Variants in MTREX observed in about 807,000 individuals in gnomAD.
MTREX encodes exosome RNA helicase MTR4.
In MTREX, 76 loss-of-function variants were observed where a neutral mutation model predicts 135.4. The observed-to-expected ratio is 0.56, with a 90% CI of 0.47 to 0.68. MTREX has a LOEUF of 0.68. Among genes scored for constraint, MTREX ranks in the 30% least tolerant of loss-of-function variants. The pLI is 0.00. For missense variants in MTREX, 920 were observed against 1,262.1 expected (o/e 0.73, Z 4.11); for synonymous variants, 404 against 401.6 (o/e 1.01, Z -0.07).
intron 13 of MTREX, 119 bp downstream of exon 13, chr5:55,351,148 TAAA>T: frequency 8.3e-7 from 1 of 1,203,298 alleles, no homozygotes; most frequent in Non-Finnish European, 1.1e-6. Context: ...TGAAATGACT[TAAA>T]TAATGAACTT....
At chr5:55,417,952 A>T (rs1369531671) in intron 25 of MTREX, among the ~76,000 whole-genome samples, 1 of 151,618 alleles carries the variant, frequency 6.6e-6, no homozygotes, top group African/African-American at 2.4e-5. Context: ...AGTAAAAAGC[A>T]GGCCAGGCAC....
At chr5:55,373,612 G>A (rs1479481964) in intron 16 of MTREX, among the ~76,000 whole-genome samples, 1 of 151,628 alleles carries the variant, frequency 6.6e-6, no homozygotes, top group African/African-American at 2.4e-5. Context: ...TTTGAGTTTT[G>A]TGAGCTACTC....
chr5:55,316,532 A>G (rs550267043), intron 1 of MTREX, among the ~76,000 whole-genome samples: 5 of 152,148 alleles, frequency 3.3e-5, no homozygotes, highest in Admixed American at 6.6e-5. Context: ...AAGACAAAAA[A>G]CCACATGATT....
intron 16 of MTREX, among the ~76,000 whole-genome samples, chr5:55,373,292 T>G (rs1451010041): frequency 6.8e-6 from 1 of 147,128 alleles, no homozygotes; most frequent in Non-Finnish European, 1.5e-5. Flanking sequence ...TGGGCTTTCT[T>G]GGGTTTTTTT....
chr5:55,324,261 G>C, intron 3 of MTREX, 63 bp downstream of exon 3: 1 of 1,167,294 alleles, frequency 8.6e-7, no homozygotes, highest in Non-Finnish European at 1.3e-6. Flanking sequence ...GGACTATCTA[G>C]TATGATGATC....
chr5:55,327,634 C>A, intron 3 of MTREX, 82 bp from the exon 4 acceptor site: 1 of 1,067,552 alleles, frequency 9.4e-7, no homozygotes, highest in Non-Finnish European at 1.4e-6. Context: ...ATTTTCCAAA[C>A]CATCATTCAT....
At chr5:55,349,695 G>T in intron 12 of MTREX, 43 bp downstream of exon 12, 1 of 1,012,468 alleles carries the variant, frequency 9.9e-7, no homozygotes, top group Non-Finnish European at 1.6e-6. Flanking sequence ...GATAATAATA[G>T]ATTGCATATA....
chr5:55,392,097 T>A (rs572391786), intron 19 of MTREX, among the ~76,000 whole-genome samples: 1 of 152,334 alleles, frequency 6.6e-6, no homozygotes, highest in South Asian at 2.1e-4. Flanking sequence ...GAGTTTATTC[T>A]TGTTATTTGT....
chr5:55,354,069 A>G (rs546240957), intron 14 of MTREX, among the ~76,000 whole-genome samples: 1 of 152,344 alleles, frequency 6.6e-6, no homozygotes, highest in African/African-American at 2.4e-5. Flanking sequence ...CTTAATCCCA[A>G]GGCAAGTACT....
At chr5:55,308,862 A>G (rs997255741) in intron 1 of MTREX, among the ~76,000 whole-genome samples, 2 of 152,230 alleles carry the variant, frequency 1.3e-5, no homozygotes, top group Admixed American at 6.5e-5. Flanking sequence ...TTAATTAACA[A>G]TCAACAAAAT....
At chr5:55,332,265 A>G (rs1367870620) in intron 5 of MTREX, among the ~76,000 whole-genome samples, 6 of 152,154 alleles carry the variant, frequency 3.9e-5, no homozygotes, top group Admixed American at 3.3e-4. Flanking sequence ...GCGTTTTGCA[A>G]TCTGTTGTAG....
chr5:55,343,519 C>G (rs1219168598), intron 8 of MTREX, 64 bp downstream of exon 8: 1 of 1,426,992 alleles, frequency 7.0e-7, no homozygotes, highest in Non-Finnish European at 9.7e-7. Flanking sequence ...TCTTGCTTTA[C>G]TCTCCCTTTG....
chr5:55,401,851 A>G (rs1750727586), intron 21 of MTREX, among the ~76,000 whole-genome samples: 2 of 152,216 alleles, frequency 1.3e-5, no homozygotes, highest in Non-Finnish European at 2.9e-5. Flanking sequence ...AATGTATTAT[A>G]CTATACAAAT....
At chr5:55,335,770 T>C (rs1203784954) in intron 5 of MTREX, among the ~76,000 whole-genome samples, 6 of 152,110 alleles carry the variant, frequency 3.9e-5, no homozygotes. Context: ...ATTTTAAGAT[T>C]GGCTTGTGAA....
chr5:55,349,752 C>T lies in MTREX; in HGVS notation c.1320+100C>T, dbSNP rs1749797921. The T allele has an allele frequency of 8.7e-6, 6 of 692,418 alleles. No individual in the cohort carries two copies. The South Asian group carries it at 1.0e-4, about 12-fold the overall frequency. The allele number at this position is 692,418 out of a possible 1,614,324, so 42.9% of individuals were successfully genotyped here. A position where few individuals can be genotyped will look rare whatever the true frequency, so the allele number is the denominator to read the frequency against. On this transcript the variant is annotated intron_variant, in intron 12 of 26. Coordinates refer to ENST00000230640, the MANE Select transcript of MTREX (RefSeq NM_015360.5). ...TTATTACTCTATTGCACTTTTCACA[C>T]ACTGTAGCATATGGGTTGTGATATG...
chr5:55,425,196 C>A lies in MTREX; in HGVS notation c.*424C>A, dbSNP rs1226949116. Reference sequence around the variant, plus strand: ...AACAGGCCAGCTTCACCTGGGCACCCTGCTGCCTTTCAAGGCTGGTGATTG... The same window carrying A: ...AACAGGCCAGCTTCACCTGGGCACCATGCTGCCTTTCAAGGCTGGTGATTG... On this transcript the variant is annotated 3_prime_UTR_variant, in exon 27 of 27. Transcript: ENST00000230640. 18 of 1,611,480 alleles carry A rather than the reference C, an allele frequency of 1.1e-5. No homozygotes were observed. The highest frequency in any genetic ancestry group is 1.5e-5 in the Non-Finnish European group (18 of 1,179,380).
At position 55,346,901 on chromosome 5, in the gene MTREX, A is replaced by C. The variant is rs191535093; in HGVS notation, c.1109-112A>C. The C allele has an allele frequency of 2.7e-3, 2,243 of 836,646 alleles. 4 individuals carry two copies. The highest frequency in any genetic ancestry group is 3.1e-3 in the Non-Finnish European group (1,751 of 568,586). The allele number at this position is 836,646 out of a possible 1,614,324, so 51.8% of individuals were successfully genotyped here. ...AGAATGCTTTGTCTAACCCACGGTC[A>C]GGAAGATTTATTCCTATATTTTCTC... On this transcript the variant is annotated intron_variant, in intron 10 of 26. Coordinates refer to ENST00000230640, the MANE Select transcript of MTREX (RefSeq NM_015360.5).
chr5:55,421,467 C>T (rs1751054822), intron 25 of MTREX, among the ~76,000 whole-genome samples: 1 of 152,152 alleles, frequency 6.6e-6, no homozygotes, highest in Non-Finnish European at 1.5e-5. Flanking sequence ...CTAAAGTTTC[C>T]AGAAATTGAG....
At chr5:55,318,213 A>AT (rs1248695365) in intron 1 of MTREX, among the ~76,000 whole-genome samples, 1 of 152,202 alleles carries the variant, frequency 6.6e-6, no homozygotes, top group African/African-American at 2.4e-5. Flanking sequence ...CAATATGGCA[A>AT]TTCATCAAAG....
Sources: gnomAD v4.1 joint callset for allele counts (sites outside exome capture counted in the v4.1 genomes callset) on GRCh38, gnomAD v4.1.1 for gene constraint, MANE v1.5 for transcripts, NCBI Gene and HGNC (gene_info 2026-07-23, HGNC 2026-07-21) for gene names.